The following TPRG1 variants were observed in gnomAD, a reference collection of about 807,000 sequenced individuals.
TPRG1 encodes tumor protein p63-regulated gene 1 protein.
Under a neutral mutation model 29.3 loss-of-function variants are expected in TPRG1, and 29 were observed. That is an observed-to-expected ratio of 0.99 (90% confidence interval 0.74 to 1.35). TPRG1 has a LOEUF of 1.35. Ranked by LOEUF, TPRG1 falls within the 40% of genes most tolerant of loss-of-function variation. The pLI is 0.00. For missense variants in TPRG1, 327 were observed against 335.0 expected (o/e 0.98, Z 0.19); for synonymous variants, 130 against 116.8 (o/e 1.11, Z -0.73).
At chr3:189,175,735 T>C (rs1391315798) in intron 1 of TPRG1, among the ~76,000 whole-genome samples, 1 of 152,212 alleles carries the variant, frequency 6.6e-6, no homozygotes, top group Non-Finnish European at 1.5e-5. Context: ...ATTAGAAAGA[T>C]GGATAAAAAT....
chr3:189,213,500 C>T (rs551650838), intron 2 of TPRG1, among the ~76,000 whole-genome samples: 9 of 152,206 alleles, frequency 5.9e-5, no homozygotes, highest in African/African-American at 7.2e-5. Context: ...TACATTTTTA[C>T]CAAAGATAAG....
At chr3:189,029,982 A>G (rs1247710321) in intron 4 of TPRG1, among the ~76,000 whole-genome samples, 2 of 152,210 alleles carry the variant, frequency 1.3e-5, no homozygotes, top group African/African-American at 4.8e-5. Context: ...GAGGCAGTCA[A>G]ACCTCTTTTC....
At chr3:189,307,578 G>A (rs1479167965) in intron 4 of TPRG1, among the ~76,000 whole-genome samples, 1 of 152,206 alleles carries the variant, frequency 6.6e-6, no homozygotes, top group African/African-American at 2.4e-5. Flanking sequence ...ATAAGGCTAT[G>A]TTATGCAATA....
intron 1 of TPRG1, among the ~76,000 whole-genome samples, chr3:189,181,448 T>G (rs1346634636): frequency 6.6e-6 from 1 of 152,224 alleles, no homozygotes; most frequent in Non-Finnish European, 1.5e-5. Context: ...TAGAAATTGC[T>G]TCTGGCAGGT....
chr3:189,272,004 A>G (rs7617875), intron 4 of TPRG1, among the ~76,000 whole-genome samples: 4,785 of 152,272 alleles, frequency 0.031, 253 homozygotes, highest in African/African-American at 0.11. Flanking sequence ...CCTTTCCTAT[A>G]CGCGCTGATG....
chr3:189,312,930 G>A (rs1722938186), intron 5 of TPRG1: 3 of 152,122 alleles, frequency 2.0e-5, no homozygotes, highest in Admixed American at 1.3e-4. Context: ...GCACACACAC[G>A]AACATGATAG....
At chr3:189,292,841 C>T (rs939937634) in intron 4 of TPRG1, among the ~76,000 whole-genome samples, 1 of 152,112 alleles carries the variant, frequency 6.6e-6, no homozygotes, top group African/African-American at 2.4e-5. Context: ...GATGGCTGGC[C>T]AGATTATCCC....
intron 4 of TPRG1, among the ~76,000 whole-genome samples, chr3:189,292,292 C>CT (rs11459415): frequency 0.45 from 52,110 of 114,748 alleles, 11,538 homozygotes; most frequent in Middle Eastern, 0.56. Context: ...GAAGTTTTTG[C>CT]TTTTTTTTTT....
At chr3:189,044,386 C>A (rs1261092271) in intron 4 of TPRG1, among the ~76,000 whole-genome samples, 2 of 152,116 alleles carry the variant, frequency 1.3e-5, no homozygotes, top group African/African-American at 4.8e-5. Context: ...AAAACGCTGT[C>A]TCTACTAAAA....
chr3:189,182,598 C>G (rs1730373981), intron 1 of TPRG1, among the ~76,000 whole-genome samples: 1 of 152,116 alleles, frequency 6.6e-6, no homozygotes, highest in South Asian at 2.1e-4. Context: ...TTTGATCCAG[C>G]ACTCCCACTT....
Position 189,320,550 on chromosome 3 carries a change from G to T in TPRG1, c.634-76G>T, listed in dbSNP as rs941323641. ...CAGGAGAGTAGTCAACTTCTGTGAA[G>T]ACTGGCTGGGGAGATGAGTATCTCT... On this transcript the variant is annotated intron_variant, in intron 5 of 5. Coordinates refer to ENST00000345063, the MANE Select transcript of TPRG1 (RefSeq NM_198485.4). 5 of 1,318,122 alleles carry T rather than the reference G, an allele frequency of 3.8e-6. No individual in the cohort carries two copies. In the African/African-American group the frequency reaches 6.0e-5, roughly 16 times the overall value. 81.7% of individuals were successfully genotyped at this position (1,318,122 alleles called of 1,614,324 possible). A position where few individuals can be genotyped will look rare whatever the true frequency, so the allele number is the denominator to read the frequency against.
chr3:189,088,040 A>G (rs1718077369), intron 4 of TPRG1, among the ~76,000 whole-genome samples: 1 of 152,222 alleles, frequency 6.6e-6, no homozygotes, highest in Admixed American at 6.5e-5. Context: ...TTCTATGAAG[A>G]AAGTCATTGG....
chr3:189,221,541 T>G (rs1255522022), intron 3 of TPRG1, among the ~76,000 whole-genome samples: 1 of 152,202 alleles, frequency 6.6e-6, no homozygotes, highest in Non-Finnish European at 1.5e-5. Flanking sequence ...ATGCTGTCTC[T>G]TGGATTTGGT....
At chr3:189,013,772 T>C (rs189090074) in intron 3 of TPRG1, among the ~76,000 whole-genome samples, 1 of 152,316 alleles carries the variant, frequency 6.6e-6, no homozygotes, top group East Asian at 1.9e-4. Context: ...TCTACCCTTA[T>C]ATATTGCCCT....
rs541547783 is a variant in TPRG1, at chr3:189,054,958, T to G, written c.-463+31012T>G. Among the ~76,000 whole-genome samples, 29 of 152,278 alleles carry G rather than the reference T, an allele frequency of 1.9e-4. 1 individual carries two copies. In the South Asian group the frequency reaches 5.6e-3, roughly 29 times the overall value. ...GCTCAATGCAGAGTTGCCACAAACC[T>G]TCAGATTGTAAAAAATGCACCATCT... On this transcript the variant is annotated intron_variant, in intron 4 of 10. Transcript: ENST00000433971.
At chr3:189,291,201 G>A (rs935206895) in intron 4 of TPRG1, among the ~76,000 whole-genome samples, 20 of 151,992 alleles carry the variant, frequency 1.3e-4, no homozygotes, top group South Asian at 4.1e-4. Context: ...GCACCCAGCC[G>A]GTAGACCCAT....
At chr3:188,997,612 T>C (rs1278099608) in intron 1 of TPRG1, among the ~76,000 whole-genome samples, 1 of 152,096 alleles carries the variant, frequency 6.6e-6, no homozygotes, top group Non-Finnish European at 1.5e-5. Context: ...CTGAGATGAG[T>C]TGGTCACCCT....
chr3:189,165,628 G>C (rs115977981), intron 5 of TPRG1, among the ~76,000 whole-genome samples: 2,082 of 152,108 alleles, frequency 0.014, 57 homozygotes, highest in African/African-American at 0.047. Flanking sequence ...GACACTAAAG[G>C]CTGCCCTGGC....
At chr3:189,056,296 A>G (rs1486242175) in intron 4 of TPRG1, among the ~76,000 whole-genome samples, 1 of 151,942 alleles carries the variant, frequency 6.6e-6, no homozygotes, top group Non-Finnish European at 1.5e-5. Flanking sequence ...GGGTTTTGCC[A>G]TGTTGGCCAG....
Sources: allele counts gnomAD v4.1 joint callset (sites outside exome capture counted in the v4.1 genomes callset), GRCh38; gene constraint gnomAD v4.1.1; transcripts MANE v1.5; gene names NCBI Gene and HGNC (gene_info 2026-07-23, HGNC 2026-07-21).